The following SGCZ variants were observed in gnomAD, a reference collection of about 807,000 sequenced individuals.
SGCZ encodes the protein sarcoglycan zeta.
In SGCZ, 40 loss-of-function variants were observed where a neutral mutation model predicts 41.3. The ratio of observed to expected loss-of-function variants is 0.97; its 90% CI spans 0.75 to 1.26. The LOEUF (loss-of-function observed/expected upper bound fraction) is 1.26, where lower values mean the gene tolerates loss of function less well. SGCZ is among the 50% of genes most tolerant of loss of function. The pLI is 0.00. For synonymous variants in SGCZ, 206 were observed against 137.5 expected (o/e 1.50, Z -3.49); for missense variants, 552 against 369.8 (o/e 1.49, Z -4.04).
chr8:14,362,171 A>G (rs1161583592), intron 2 of SGCZ, among the ~76,000 whole-genome samples: 2 of 152,132 alleles, frequency 1.3e-5, no homozygotes, highest in African/African-American at 4.8e-5. Context: ...CAGTCTGTCC[A>G]TTATTGATGT....
At chr8:14,248,387 TAG>T (rs1362298449) in intron 3 of SGCZ, among the ~76,000 whole-genome samples, 1 of 152,170 alleles carries the variant, frequency 6.6e-6, no homozygotes, top group Non-Finnish European at 1.5e-5. Flanking sequence ...TGTGCGTGTG[TAG>T]AGAGTATCCC....
chr8:14,628,562 G>T (rs34760573), intron 1 of SGCZ, among the ~76,000 whole-genome samples: 10,511 of 152,126 alleles, frequency 0.069, 531 homozygotes, highest in Non-Finnish European at 0.11. Context: ...GAAGCAATAG[G>T]TTCCATGGAT....
chr8:15,166,448 C>G (rs1442361730), intron 1 of SGCZ, among the ~76,000 whole-genome samples: 1 of 151,946 alleles, frequency 6.6e-6, no homozygotes, highest in African/African-American at 2.4e-5. Context: ...TGGGGTTTCA[C>G]CGTGTTAGCC....
chr8:15,192,990 T>G (rs1800589907), intron 1 of SGCZ, among the ~76,000 whole-genome samples: 1 of 152,108 alleles, frequency 6.6e-6, no homozygotes, highest in Non-Finnish European at 1.5e-5. Flanking sequence ...TTTACCCATT[T>G]AGTGGAGATT....
intron 2 of SGCZ, among the ~76,000 whole-genome samples, chr8:14,443,342 C>G (rs976012289): frequency 5.3e-5 from 8 of 152,030 alleles, no homozygotes; most frequent in Non-Finnish European, 1.2e-4. Context: ...AAAAAGAGCC[C>G]GCATCGCCAA....
At chr8:14,635,074 CATAT>C (rs10598770) in intron 1 of SGCZ, among the ~76,000 whole-genome samples, 5 of 151,158 alleles carry the variant, frequency 3.3e-5, no homozygotes, top group Admixed American at 6.6e-5. Context: ...AATTTAAAAA[CATAT>C]AGAAATTTTA....
At chr8:14,176,487 A>T (rs144443979) in intron 4 of SGCZ, among the ~76,000 whole-genome samples, 1 of 152,242 alleles carries the variant, frequency 6.6e-6, no homozygotes, top group African/African-American at 2.4e-5. Context: ...CTTGGGAAAT[A>T]TTACCAAGTC....
intron 4 of SGCZ, among the ~76,000 whole-genome samples, chr8:14,204,867 G>A (rs750788125): frequency 5.3e-5 from 8 of 152,072 alleles, no homozygotes; most frequent in Admixed American, 2.0e-4. Flanking sequence ...TGATAGTTAC[G>A]TCATTGGCTT....
At chr8:14,598,463 G>C (rs963182928) in intron 1 of SGCZ, among the ~76,000 whole-genome samples, 15 of 151,108 alleles carry the variant, frequency 9.9e-5, no homozygotes, top group African/African-American at 2.9e-4. Context: ...ACATGTAGTA[G>C]AGATGGGGTT....
chr8:14,772,778 T>C (rs1426081257), intron 1 of SGCZ, among the ~76,000 whole-genome samples: 1 of 152,110 alleles, frequency 6.6e-6, no homozygotes, highest in Non-Finnish European at 1.5e-5. Context: ...TGTGGCTGCA[T>C]AGTATTCCAT....
chr8:15,195,227 T>C (rs1800684294), intron 1 of SGCZ, among the ~76,000 whole-genome samples: 1 of 152,170 alleles, frequency 6.6e-6, no homozygotes, highest in Non-Finnish European at 1.5e-5. Flanking sequence ...GCAGTTTTCT[T>C]GGCCCAGTGT....
intron 1 of SGCZ, among the ~76,000 whole-genome samples, chr8:14,622,593 A>C (rs1450279231): frequency 6.6e-6 from 1 of 152,186 alleles, no homozygotes; most frequent in Non-Finnish European, 1.5e-5. Flanking sequence ...TTTGAAAATA[A>C]AATGTTTACT....
At chr8:14,154,835 G>C (rs1469189978) in intron 5 of SGCZ, among the ~76,000 whole-genome samples, 1 of 152,110 alleles carries the variant, frequency 6.6e-6, no homozygotes, top group Non-Finnish European at 1.5e-5. Context: ...TGTTCTGACA[G>C]GTAGTCCTAT....
At chr8:14,108,439 A>G (rs1295434612) in intron 5 of SGCZ, among the ~76,000 whole-genome samples, 2 of 152,236 alleles carry the variant, frequency 1.3e-5, no homozygotes, top group Non-Finnish European at 2.9e-5. Flanking sequence ...ACAGTTCCAC[A>G]TGGCTGGGGA....
chr8:15,227,813 G>A (rs891762844), intron 1 of SGCZ, among the ~76,000 whole-genome samples: 1 of 152,184 alleles, frequency 6.6e-6, no homozygotes, highest in Non-Finnish European at 1.5e-5. Context: ...GATGGATGGT[G>A]CATCTCACTA....
chr8:15,097,918 A>ATAGATATATATATACTTGTGTG lies in SGCZ; in HGVS notation c.39+139666_39+139667insCACACAAGTATATATATATCTA, dbSNP rs1563124269. On this transcript the variant is annotated intron_variant, in intron 1 of 7. Coordinates refer to ENST00000382080, the MANE Select transcript of SGCZ (RefSeq NM_139167.4). ...TATATATATATATATATACGTGTGT[A>ATAGATATATATATACTTGTGTG]TATATATATATATACATACATACAC... 8.0e-4 allele frequency among the ~76,000 whole-genome samples: 103 copies of ATAGATATATATATACTTGTGTG among 129,448 alleles called. 5 individuals are homozygous for ATAGATATATATATACTTGTGTG. The highest frequency in any genetic ancestry group is 1.1e-3 in the Non-Finnish European group (67 of 61,914). The allele number at this position is 129,448 out of a possible 152,430, so 84.9% of individuals were successfully genotyped here. A position where few individuals can be genotyped will look rare whatever the true frequency, so the allele number is the denominator to read the frequency against.
At chr8:14,868,241 A>G (rs1483623496) in intron 1 of SGCZ, among the ~76,000 whole-genome samples, 4 of 152,122 alleles carry the variant, frequency 2.6e-5, no homozygotes, top group Admixed American at 6.6e-5. Context: ...TGTTGCCCTC[A>G]TGCAACTCGG....
intron 1 of SGCZ, among the ~76,000 whole-genome samples, chr8:14,752,681 T>C (rs1799534823): frequency 6.6e-6 from 1 of 152,094 alleles, no homozygotes; most frequent in Admixed American, 6.5e-5. Flanking sequence ...CTCTAGAAAA[T>C]GTGCAAGAAG....
intron 1 of SGCZ, among the ~76,000 whole-genome samples, chr8:14,609,858 G>A (rs1805869897): frequency 6.6e-6 from 1 of 152,142 alleles, no homozygotes; most frequent in South Asian, 2.1e-4. Context: ...GTGAAGCAGA[G>A]TTATCTATGA....
Sources: gnomAD v4.1 joint callset for allele counts (sites outside exome capture counted in the v4.1 genomes callset) on GRCh38, gnomAD v4.1.1 for gene constraint, MANE v1.5 for transcripts, NCBI Gene and HGNC (gene_info 2026-07-23, HGNC 2026-07-21) for gene names.